The following CADM2 variants were observed in gnomAD, a reference collection of about 807,000 sequenced individuals.
CADM2 encodes immunoglobulin superfamily member 4D.
In CADM2, 12 loss-of-function variants were observed where a neutral mutation model predicts 49.8. The ratio of observed to expected loss-of-function variants is 0.24; its 90% confidence interval spans 0.15 to 0.39. CADM2 has a LOEUF of 0.39. CADM2 is among the 10% of genes least tolerant of loss of function. The pLI is 1.00. For missense variants in CADM2, 378 were observed against 492.3 expected (o/e 0.77, Z 2.20); for synonymous variants, 214 against 175.4 (o/e 1.22, Z -1.74).
chr3:85,446,142 T>C (rs1423990592), intron 1 of CADM2, among the ~76,000 whole-genome samples: 4 of 152,160 alleles, frequency 2.6e-5, no homozygotes, highest in Admixed American at 2.0e-4. Context: ...AGATGAATAT[T>C]AGCTTCTTCC....
Position 85,274,035 on chromosome 3 carries a change from G to T in CADM2, c.61+314367G>T, listed in dbSNP as rs527956243. Among the ~76,000 whole-genome samples, 7 of 151,358 alleles carry T rather than the reference G, an allele frequency of 4.6e-5. 1 individual carries two copies. Among genetic ancestry groups the T allele is most frequent in the African/African-American group, 1.7e-4 (7 of 41,324 alleles). ...ACTACTTCAAGAAGGAGTGAGAAAG[G>T]TTAACTGGATCAAATGCTGTTGCTA... On this transcript the variant is annotated intron_variant, in intron 1 of 9. Coordinates refer to ENST00000383699, the MANE Select transcript of CADM2 (RefSeq NM_001167675.2).
chr3:85,034,539 G>C (rs1221005756), intron 1 of CADM2, among the ~76,000 whole-genome samples: 1 of 152,064 alleles, frequency 6.6e-6, no homozygotes, highest in Admixed American at 6.5e-5. Flanking sequence ...TGGCTATTGT[G>C]AATAGTGCTG....
At chr3:86,053,640 C>T (rs1737594227) in intron 8 of CADM2, among the ~76,000 whole-genome samples, 1 of 152,044 alleles carries the variant, frequency 6.6e-6, no homozygotes, top group African/African-American at 2.4e-5. Flanking sequence ...CTCTTGATAG[C>T]AACTTTCCCG....
At chr3:85,706,773 C>T (rs1559604788) in intron 1 of CADM2, among the ~76,000 whole-genome samples, 2 of 152,004 alleles carry the variant, frequency 1.3e-5, no homozygotes, top group East Asian at 3.9e-4. Flanking sequence ...TTGCTTATTT[C>T]TTGTTTTTTC....
chr3:85,069,382 A>AT (rs1013026279), intron 1 of CADM2, among the ~76,000 whole-genome samples: 36 of 152,136 alleles, frequency 2.4e-4, no homozygotes, highest in African/African-American at 8.4e-4. Context: ...GAAGATTAAT[A>AT]TTTTTTGTCA....
rs1164228756 is a variant in CADM2, at chr3:86,068,116, T to G, written c.*1333T>G. ...TGTATAAATGAACTAATTCTTTATA[T>G]TAAATTCCTGTCTATGCATTTTGTG... On this transcript the variant is annotated 3_prime_UTR_variant, in exon 10 of 10. Transcript: ENST00000383699. The G allele has an allele frequency of 6.6e-6, 1 of 152,470 alleles. No individual in the cohort carries two copies. Among genetic ancestry groups the G allele is most frequent in the Non-Finnish European group, 1.5e-5 (1 of 67,866 alleles). The allele number at this position is 152,470 out of a possible 1,614,324, so 9.4% of individuals were successfully genotyped here. A position where few individuals can be genotyped will look rare whatever the true frequency, so the allele number is the denominator to read the frequency against.
chr3:85,845,588 C>T (rs1280254272), intron 3 of CADM2, among the ~76,000 whole-genome samples: 2 of 152,078 alleles, frequency 1.3e-5, no homozygotes, highest in Non-Finnish European at 2.9e-5. Context: ...GTTTTTAGGT[C>T]TCATTGTCAT....
intron 3 of CADM2, among the ~76,000 whole-genome samples, chr3:85,814,422 A>G (rs559033820): frequency 6.6e-6 from 1 of 152,244 alleles, no homozygotes; most frequent in African/African-American, 2.4e-5. Flanking sequence ...AAAGCAGGAA[A>G]GATCTAAAAT....
At chr3:85,185,826 A>T (rs1355157002) in intron 1 of CADM2, among the ~76,000 whole-genome samples, 2 of 152,214 alleles carry the variant, frequency 1.3e-5, no homozygotes, top group Admixed American at 1.3e-4. Flanking sequence ...GCTCTTAAGG[A>T]TAGCAGCCCA....
At chr3:85,255,847 C>T (rs1474631794) in intron 1 of CADM2, among the ~76,000 whole-genome samples, 1 of 152,046 alleles carries the variant, frequency 6.6e-6, no homozygotes, top group Admixed American at 6.6e-5. Context: ...GTTTCTGTTT[C>T]ACCACATATA....
intron 1 of CADM2, among the ~76,000 whole-genome samples, chr3:85,449,143 T>TG (rs1254173485): frequency 6.6e-6 from 1 of 150,782 alleles, no homozygotes; most frequent in African/African-American, 2.4e-5. Context: ...ATAGAATTTT[T>TG]GTATATAAAG....
At chr3:85,842,738 C>T (rs916794936) in intron 3 of CADM2, among the ~76,000 whole-genome samples, 1 of 152,080 alleles carries the variant, frequency 6.6e-6, no homozygotes, top group Non-Finnish European at 1.5e-5. Flanking sequence ...GTTTATTAAA[C>T]TTAGTCTTAT....
At chr3:85,420,355 G>T (rs1229203830) in intron 1 of CADM2, among the ~76,000 whole-genome samples, 3 of 152,134 alleles carry the variant, frequency 2.0e-5, no homozygotes, top group Non-Finnish European at 4.4e-5. Context: ...TAAAATATAT[G>T]TTATATTTAG....
intron 1 of CADM2, among the ~76,000 whole-genome samples, chr3:85,532,447 A>G (rs2106966130): frequency 6.6e-6 from 1 of 152,278 alleles, no homozygotes; most frequent in African/African-American, 2.4e-5. Flanking sequence ...TATTTTAAAT[A>G]TCTTTAAATA....
At chr3:86,025,786 T>G (rs1733841269) in intron 8 of CADM2, among the ~76,000 whole-genome samples, 1 of 152,174 alleles carries the variant, frequency 6.6e-6, no homozygotes, top group Non-Finnish European at 1.5e-5. Flanking sequence ...GAAATTTATT[T>G]TATCTTAACT....
chr3:85,837,804 G>A (rs2074472091), intron 3 of CADM2, among the ~76,000 whole-genome samples: 1 of 151,684 alleles, frequency 6.6e-6, no homozygotes, highest in South Asian at 2.1e-4. Flanking sequence ...TCCACTGTAA[G>A]ATAAAAATTA....
chr3:86,035,583 A>T (rs1449093678), intron 8 of CADM2, among the ~76,000 whole-genome samples: 1 of 152,110 alleles, frequency 6.6e-6, no homozygotes, highest in African/African-American at 2.4e-5. Flanking sequence ...CATTAGGCTC[A>T]GGATCTCTGC....
At chr3:86,026,381 C>T (rs1215069009) in intron 8 of CADM2, among the ~76,000 whole-genome samples, 1 of 151,660 alleles carries the variant, frequency 6.6e-6, no homozygotes, top group East Asian at 1.9e-4. Flanking sequence ...CTTTAAGTCA[C>T]AATTTACACT....
chr3:85,736,200 G>A (rs2068126945), intron 2 of CADM2, among the ~76,000 whole-genome samples: 1 of 152,096 alleles, frequency 6.6e-6, no homozygotes, highest in Non-Finnish European at 1.5e-5. Context: ...TGTTCAACTG[G>A]GGCAAATGCT....
Sources: gnomAD v4.1 joint callset for allele counts (sites outside exome capture counted in the v4.1 genomes callset) on GRCh38, gnomAD v4.1.1 for gene constraint, MANE v1.5 for transcripts, NCBI Gene and HGNC (gene_info 2026-07-23, HGNC 2026-07-21) for gene names.